SATB2: variants seen among roughly 807,000 people sequenced by gnomAD.
SATB2 encodes the protein DNA-binding protein SATB2.
SATB2 carries 1 observed loss-of-function variant against 73.4 expected under a neutral mutation model. The observed-to-expected ratio is 0.01, with a 90% CI of 0.00 to 0.06. The LOEUF (loss-of-function observed/expected upper bound fraction) is 0.06, where lower values mean the gene tolerates loss of function less well. Among genes scored for constraint, SATB2 ranks in the 10% least tolerant of loss-of-function variants. The probability of loss-of-function intolerance (pLI) is 1.00; values close to 1 mark genes in which losing one functional copy is unlikely to be tolerated. For missense variants in SATB2, 459 were observed against 945.8 expected, an observed-to-expected ratio of 0.49 and a Z score of 6.75; for synonymous variants, 397 against 367.0, an observed-to-expected ratio of 1.08 and a Z score of -0.93.
intron 9 of SATB2, among the ~76,000 whole-genome samples, chr2:199,321,296 T>C (rs1687878698): frequency 6.6e-6 from 1 of 151,908 alleles, no homozygotes. Flanking sequence ...TGCATATGTA[T>C]AGACATATAT....
intron 3 of SATB2, among the ~76,000 whole-genome samples, chr2:199,421,044 G>T (rs1031727980): frequency 1.3e-5 from 2 of 152,046 alleles, no homozygotes; most frequent in African/African-American, 4.8e-5. Context: ...ACTCACATAG[G>T]AAGAGAACGA....
At chr2:199,431,333 A>C in intron 3 of SATB2, among the ~76,000 whole-genome samples, 2 of 152,326 alleles carry the variant, frequency 1.3e-5, no homozygotes, top group Middle Eastern at 6.8e-3. Context: ...TTTCAAAGTA[A>C]ACAATTCTAA....
At position 199,345,046 on chromosome 2, in the gene SATB2, C is replaced by A. The variant is rs1401908954; in HGVS notation, c.1173+3655G>T. On this transcript the variant is annotated intron_variant, in intron 7 of 10. Coordinates refer to ENST00000417098, the MANE Select transcript of SATB2 (RefSeq NM_001172509.2). ...AAACTCTCCACGCATGTCCTCTATA[C>A]TCTCACTACTGTCTCCCTCTTCTTC... Among the ~76,000 whole-genome samples, 3 of 152,094 alleles carry A rather than the reference C, an allele frequency of 2.0e-5. No individual in the cohort carries two copies. The South Asian group carries it at 6.2e-4, about 32-fold the overall frequency.
At chr2:199,311,857 C>T (rs887443689) in intron 9 of SATB2, among the ~76,000 whole-genome samples, 8 of 152,076 alleles carry the variant, frequency 5.3e-5, no homozygotes, top group South Asian at 4.1e-4. Flanking sequence ...TTTCTCAATA[C>T]GGTCTCTTAT....
At chr2:199,437,466 C>T (rs1240499179) in intron 2 of SATB2, among the ~76,000 whole-genome samples, 3 of 152,134 alleles carry the variant, frequency 2.0e-5, no homozygotes, top group Admixed American at 6.6e-5. Flanking sequence ...ATTTATAAAG[C>T]GTTAACCATT....
intron 3 of SATB2, among the ~76,000 whole-genome samples, chr2:199,391,306 G>A (rs993615986): frequency 3.3e-5 from 5 of 151,792 alleles, no homozygotes; most frequent in South Asian, 2.1e-4. Flanking sequence ...GGTGGTGGGC[G>A]CCTGTAGTCC....
intron 6 of SATB2, among the ~76,000 whole-genome samples, chr2:199,360,890 C>T (rs1689117548): frequency 6.6e-6 from 1 of 152,020 alleles, no homozygotes. Context: ...AGCCAAGAGC[C>T]TCCAATTCCC....
At chr2:199,322,592 G>C (rs1245479868) in intron 9 of SATB2, among the ~76,000 whole-genome samples, 1 of 152,074 alleles carries the variant, frequency 6.6e-6, no homozygotes, top group African/African-American at 2.4e-5. Context: ...AATTGAAAAG[G>C]GAAACAAACA....
chr2:199,342,187 C>A (rs1688525989), intron 7 of SATB2, among the ~76,000 whole-genome samples: 2 of 152,018 alleles, frequency 1.3e-5, no homozygotes, highest in Non-Finnish European at 2.9e-5. Context: ...GGCGGGGGAG[C>A]ATCAAAAACA....
upstream of SATB2, among the ~76,000 whole-genome samples, chr2:199,460,715 A>G (rs1235109889): frequency 6.6e-6 from 1 of 152,250 alleles, no homozygotes; most frequent in Non-Finnish European, 1.5e-5. The surrounding 1 kb of genome is among the most constrained non-coding windows in gnomAD (Gnocchi z 4.0). Context: ...CTAACCTCAC[A>G]GGCTTGTGTC....
upstream of SATB2, among the ~76,000 whole-genome samples, chr2:199,466,736 A>G (rs971840399): frequency 6.6e-6 from 1 of 152,128 alleles, no homozygotes; most frequent in African/African-American, 2.4e-5. Flanking sequence ...CTTCCCTGCT[A>G]TGGCATATTT....
intron 10 of SATB2, among the ~76,000 whole-genome samples, chr2:199,301,619 T>C (rs986793257): frequency 7.9e-5 from 12 of 152,170 alleles, no homozygotes; most frequent in African/African-American, 1.4e-4. Context: ...AACCAGTCAA[T>C]TTCCCTCTTA....
intron 3 of SATB2, among the ~76,000 whole-genome samples, chr2:199,422,087 C>T (rs527795817): frequency 1.1e-4 from 17 of 152,066 alleles, no homozygotes; most frequent in Non-Finnish European, 1.6e-4. Context: ...TTCACGGTTA[C>T]GTAGTATTAA....
At chr2:199,291,677 C>T (rs760793110) in intron 10 of SATB2, among the ~76,000 whole-genome samples, 13 of 152,034 alleles carry the variant, frequency 8.6e-5, no homozygotes, top group Non-Finnish European at 1.3e-4. Context: ...CTTTGGGAGG[C>T]CGAGGCGGGT....
intron 6 of SATB2, among the ~76,000 whole-genome samples, chr2:199,363,012 AT>A (rs1172485537): frequency 3.9e-5 from 6 of 152,198 alleles, no homozygotes; most frequent in African/African-American, 1.4e-4. Flanking sequence ...ATTAACAAAC[AT>A]TTTTATATCT....
intron 6 of SATB2, among the ~76,000 whole-genome samples, chr2:199,350,616 C>A (rs1437211121): frequency 6.6e-6 from 1 of 152,076 alleles, no homozygotes; most frequent in Non-Finnish European, 1.5e-5. Flanking sequence ...TATTTTATAT[C>A]CATGTCTACA....
chr2:199,295,076 T>C (rs940717400), intron 10 of SATB2, among the ~76,000 whole-genome samples: 7 of 152,186 alleles, frequency 4.6e-5, no homozygotes, highest in Admixed American at 4.6e-4. Context: ...TCCAACCAGA[T>C]ACTCAAGTGA....
Position 199,308,421 on chromosome 2 carries a change from AT to A in SATB2, c.1740+338del, listed in dbSNP as rs2105768196. Among the ~76,000 whole-genome samples, 1 of 152,242 alleles carries A rather than the reference AT, an allele frequency of 6.6e-6. No homozygotes were observed. Among genetic ancestry groups the A allele is most frequent in the South Asian group, 2.1e-4 (1 of 4,824 alleles). On this transcript the variant is annotated intron_variant, in intron 10 of 10. Coordinates refer to ENST00000417098, the MANE Select transcript of SATB2 (RefSeq NM_001172509.2). The surrounding 1 kb of genome is among the most constrained non-coding windows in gnomAD (Gnocchi z 4.6). ...TATAGAAAATGAACTGATGGAAACC[AT>A]GTTTTCCGATCGAGAGATTTAATTC...
Position 199,360,853 on chromosome 2 carries a change from A to G in SATB2, c.700+7752T>C, listed in dbSNP as rs546020151. Among the ~76,000 whole-genome samples the G allele has an allele frequency of 6.6e-5, 10 of 151,878 alleles. No individual in the cohort carries two copies. The South Asian group carries it at 1.7e-3, about 25-fold the overall frequency. Reference sequence around the variant, plus strand: ...CACTTCAGAGAGACAGCTCCCTCCAATGTCATTATGGTATCCTTTCTGCCA... The same window carrying G: ...CACTTCAGAGAGACAGCTCCCTCCAGTGTCATTATGGTATCCTTTCTGCCA... On this transcript the variant is annotated intron_variant, in intron 6 of 10. Transcript: ENST00000417098.
Sources: allele counts gnomAD v4.1 joint callset (sites outside exome capture counted in the v4.1 genomes callset), GRCh38; gene constraint gnomAD v4.1.1; non-coding constraint Gnocchi (gnomAD v3.1); transcripts MANE v1.5; gene names NCBI Gene and HGNC (gene_info 2026-07-23, HGNC 2026-07-21).